The following CFAP299 variants were observed in gnomAD, a reference collection of about 807,000 sequenced individuals.
CFAP299 encodes cilia and flagella associated protein 299.
Under a neutral mutation model 27.0 loss-of-function variants are expected in CFAP299, and 21 were observed. The observed-to-expected ratio is 0.78, with a 90% CI of 0.55 to 1.12. The LOEUF is 1.12. Ranked by LOEUF, CFAP299 falls within the 50% of genes most tolerant of loss-of-function variation. The pLI is 0.00. For missense variants in CFAP299, 310 were observed against 276.6 expected, an observed-to-expected ratio of 1.12 and a Z score of -0.86; for synonymous variants, 104 against 98.1, an observed-to-expected ratio of 1.06 and a Z score of -0.36.
intron 2 of CFAP299, among the ~76,000 whole-genome samples, chr4:80,502,039 A>G (rs545017955): frequency 2.6e-5 from 4 of 152,158 alleles, no homozygotes; most frequent in African/African-American, 9.6e-5. Flanking sequence ...TTGTAATGTA[A>G]TTCCCTTCCT....
rs527437662 is a variant in CFAP299, at chr4:80,774,341, A to T, written c.334-95652A>T. On this transcript the variant is annotated intron_variant, in intron 3 of 5. Transcript: ENST00000358105. Reference sequence around the variant, plus strand: ...CTGATACTTTATTTTAAAAAATAATAATAATATTAACTTAAAACAAAGTCA... The same window carrying T: ...CTGATACTTTATTTTAAAAAATAATTATAATATTAACTTAAAACAAAGTCA... Among the ~76,000 whole-genome samples, 182 of 152,044 alleles carry T rather than the reference A, an allele frequency of 1.2e-3. 1 individual carries two copies. The highest frequency in any genetic ancestry group is 4.0e-3 in the African/African-American group (167 of 41,558).
chr4:80,340,204 C>T (rs1027372019), intron 1 of CFAP299, among the ~76,000 whole-genome samples: 1 of 152,126 alleles, frequency 6.6e-6, no homozygotes, highest in Non-Finnish European at 1.5e-5. Context: ...TGAGACAGAG[C>T]CAAAGGATCC....
intron 2 of CFAP299, among the ~76,000 whole-genome samples, chr4:80,578,434 G>A (rs1735988039): frequency 6.6e-6 from 1 of 152,050 alleles, no homozygotes; most frequent in Non-Finnish European, 1.5e-5. Flanking sequence ...GCTTCGGATA[G>A]CTTTGGAGCC....
intron 2 of CFAP299, among the ~76,000 whole-genome samples, chr4:80,573,656 G>A (rs1245355440): frequency 6.6e-6 from 1 of 151,944 alleles, no homozygotes; most frequent in East Asian, 1.9e-4. Flanking sequence ...GAGAGATAGG[G>A]GTCTAGTTTC....
chr4:80,496,788 A>T (rs2110145995), intron 2 of CFAP299, among the ~76,000 whole-genome samples: 1 of 152,310 alleles, frequency 6.6e-6, no homozygotes, highest in East Asian at 1.9e-4. Flanking sequence ...CACAGGCTAT[A>T]CAGGAAGCAT....
At chr4:80,416,433 A>G (rs1727008775) in intron 2 of CFAP299, among the ~76,000 whole-genome samples, 1 of 152,168 alleles carries the variant, frequency 6.6e-6, no homozygotes, top group South Asian at 2.1e-4. Flanking sequence ...GTAGCTGAAA[A>G]TGCATTAAAA....
chr4:80,811,046 C>A (rs573815776), intron 3 of CFAP299, among the ~76,000 whole-genome samples: 1 of 152,198 alleles, frequency 6.6e-6, no homozygotes, highest in Admixed American at 6.6e-5. Context: ...ACAGTTTATA[C>A]CCTTTACAAT....
chr4:80,633,396 C>T (rs1486028), intron 3 of CFAP299, among the ~76,000 whole-genome samples: 10,509 of 151,970 alleles, frequency 0.069, 811 homozygotes, highest in African/African-American at 0.18. Flanking sequence ...CCGAGTGTCA[C>T]GAGTGGAGTG....
chr4:80,903,625 T>C (rs1735041327), intron 4 of CFAP299, among the ~76,000 whole-genome samples: 1 of 151,986 alleles, frequency 6.6e-6, no homozygotes, highest in Non-Finnish European at 1.5e-5. Flanking sequence ...AATATGAAAA[T>C]TCATATCAAT....
chr4:80,769,317 G>T (rs1361260285), intron 3 of CFAP299, among the ~76,000 whole-genome samples: 1 of 152,136 alleles, frequency 6.6e-6, no homozygotes, highest in Non-Finnish European at 1.5e-5. Context: ...TTTTACTAAA[G>T]GTGACATGGC....
Position 80,875,488 on chromosome 4 carries a change from C to T in CFAP299, c.476+5353C>T, listed in dbSNP as rs546902979. Among the ~76,000 whole-genome samples the T allele has an allele frequency of 7.5e-3, 1,137 of 151,868 alleles. 7 individuals are homozygous for T. The highest frequency in any genetic ancestry group is 0.013 in the Non-Finnish European group (872 of 67,924). Reference sequence around the variant, plus strand: ...CACCCTGGCCAACATGGTGAAACCCCGTCTCTACTAAAAATACAAAAAAAA... The same window carrying T: ...CACCCTGGCCAACATGGTGAAACCCTGTCTCTACTAAAAATACAAAAAAAA... On this transcript the variant is annotated intron_variant, in intron 4 of 5. Coordinates refer to ENST00000358105, the MANE Select transcript of CFAP299 (RefSeq NM_152770.3).
intron 4 of CFAP299, among the ~76,000 whole-genome samples, chr4:80,928,241 A>G (rs778119615): frequency 1.3e-5 from 2 of 152,040 alleles, no homozygotes; most frequent in East Asian, 1.9e-4. Context: ...GAGCCATTTC[A>G]CCACAGGCAC....
intron 3 of CFAP299, among the ~76,000 whole-genome samples, chr4:80,863,142 C>T (rs546884803): frequency 1.7e-4 from 26 of 151,650 alleles, no homozygotes; most frequent in African/African-American, 5.8e-4. Context: ...TGTTTGACAG[C>T]TCTCATTCCC....
chr4:80,522,007 T>TATCATAAAAA (rs772341445), intron 2 of CFAP299, among the ~76,000 whole-genome samples: 1 of 152,008 alleles, frequency 6.6e-6, no homozygotes, highest in Non-Finnish European at 1.5e-5. Flanking sequence ...CATCATATGA[T>TATCATAAAAA]AGTTCTTTTT....
At chr4:80,510,387 G>T (rs528402446) in intron 2 of CFAP299, among the ~76,000 whole-genome samples, 4 of 152,108 alleles carry the variant, frequency 2.6e-5, no homozygotes, top group African/African-American at 9.7e-5. Flanking sequence ...CCAGAGAATT[G>T]TGGTGTTACA....
intron 3 of CFAP299, chr4:80,608,270 A>T (rs954406368): frequency 2.8e-6 from 3 of 1,074,538 alleles, no homozygotes; most frequent in Middle Eastern, 2.0e-4. Context: ...TATACTTTAG[A>T]TAGGAGATTT....
intron 4 of CFAP299, among the ~76,000 whole-genome samples, chr4:80,924,562 ATC>A (rs1553906747): frequency 6.9e-6 from 1 of 145,854 alleles, no homozygotes; most frequent in Non-Finnish European, 1.5e-5. Context: ...ATATATATAT[ATC>A]TGTGTCTGTA....
At chr4:80,883,083 A>ATTTG (rs1733792669) in intron 4 of CFAP299, among the ~76,000 whole-genome samples, 3 of 142,784 alleles carry the variant, frequency 2.1e-5, no homozygotes, top group Non-Finnish European at 4.5e-5. Flanking sequence ...TAACAATATA[A>ATTTG]CTACAATAAT....
chr4:80,342,050 A>G (rs1341033343), intron 1 of CFAP299, among the ~76,000 whole-genome samples: 1 of 152,182 alleles, frequency 6.6e-6, no homozygotes, highest in Non-Finnish European at 1.5e-5. Flanking sequence ...GAATAGACCA[A>G]CCAGAGGAAA....
Sources: gnomAD v4.1 joint callset for allele counts (sites outside exome capture counted in the v4.1 genomes callset) on GRCh38, gnomAD v4.1.1 for gene constraint, MANE v1.5 for transcripts, NCBI Gene and HGNC (gene_info 2026-07-23, HGNC 2026-07-21) for gene names.